The following NEK7 variants were observed in gnomAD, a reference collection of about 807,000 sequenced individuals.
NEK7 encodes NIMA related kinase 7.
Under a neutral mutation model 44.6 loss-of-function variants are expected in NEK7, and 18 were observed. The ratio of observed to expected loss-of-function variants is 0.40; its 90% CI spans 0.28 to 0.60. NEK7 has a LOEUF of 0.60. NEK7 is among the 20% of genes least tolerant of loss of function. NEK7 has a pLI of 0.38. For synonymous variants in NEK7, 130 were observed against 121.1 expected, an observed-to-expected ratio of 1.07 and a Z score of -0.48; for missense variants, 256 against 366.5, an observed-to-expected ratio of 0.70 and a Z score of 2.46.
chr1:198,231,299 GTGTATATATATATATATATATATATA>G (rs1666386627), intron 1 of NEK7, among the ~76,000 whole-genome samples: 1 of 98,270 alleles, frequency 1.0e-5, no homozygotes, highest in African/African-American at 4.3e-5. Flanking sequence ...GTATGTGTGT[GTGTATATATATATATATATATATATA>G]TATATATATA....
rs116035201 is a variant in NEK7, at chr1:198,240,402, C to T, written c.57+7765C>T. The stretch of plus-strand genomic sequence containing the variant: ...TTCTATTTGAACAGTCTGTTCAGAG[C>T]GATGGGGCAAAGATGAGGATGAGGC... On this transcript the variant is annotated intron_variant, in intron 2 of 9. Transcript: ENST00000367385. Among the ~76,000 whole-genome samples the T allele has an allele frequency of 2.7e-3, 405 of 151,278 alleles. 2 individuals are homozygous for T. The highest frequency in any genetic ancestry group is 8.4e-3 in the African/African-American group (345 of 41,148).
intron 1 of NEK7, among the ~76,000 whole-genome samples, chr1:198,212,358 G>A (rs1665798183): frequency 6.6e-6 from 1 of 152,218 alleles, no homozygotes; most frequent in Non-Finnish European, 1.5e-5. Flanking sequence ...AGCACAGGCT[G>A]CCTGGAATTC....
At chr1:198,312,418 T>A (rs889569457) in intron 9 of NEK7, among the ~76,000 whole-genome samples, 2 of 151,822 alleles carry the variant, frequency 1.3e-5, no homozygotes, top group East Asian at 1.9e-4. Context: ...TTTTGAAGGG[T>A]TTTTTGCGTC....
At chr1:198,158,376 C>T (rs1663982810) in intron 1 of NEK7, among the ~76,000 whole-genome samples, 1 of 152,200 alleles carries the variant, frequency 6.6e-6, no homozygotes, top group African/African-American at 2.4e-5. Context: ...ATGTACCCAT[C>T]ATAATGGGAA....
intron 1 of NEK7, among the ~76,000 whole-genome samples, chr1:198,217,258 T>C (rs1665948410): frequency 6.6e-6 from 1 of 151,968 alleles, no homozygotes; most frequent in Admixed American, 6.6e-5. Context: ...AAATTCACCA[T>C]GATCAAGTGG....
intron 7 of NEK7, among the ~76,000 whole-genome samples, chr1:198,286,419 A>G (rs1436591588): frequency 7.0e-6 from 1 of 141,912 alleles, no homozygotes; most frequent in African/African-American, 2.6e-5. Flanking sequence ...TTTAGAGGTC[A>G]CACTTTTTTT....
At chr1:198,158,161 C>T (rs142012787) in intron 1 of NEK7, among the ~76,000 whole-genome samples, 54 of 152,282 alleles carry the variant, frequency 3.5e-4, no homozygotes, top group Non-Finnish European at 6.5e-4. Context: ...GTATCGTGTT[C>T]TCACCTTGCT....
chr1:198,237,419 C>T (rs569637828), intron 2 of NEK7, among the ~76,000 whole-genome samples: 1 of 152,188 alleles, frequency 6.6e-6, no homozygotes, highest in South Asian at 2.1e-4. Context: ...CTAAATATTT[C>T]CCTCCAGACT....
intron 5 of NEK7, among the ~76,000 whole-genome samples, chr1:198,277,254 G>GA (rs1002125061): frequency 6.6e-6 from 1 of 151,654 alleles, no homozygotes; most frequent in African/African-American, 2.4e-5. Flanking sequence ...ATTTATTGTA[G>GA]AAAAAATGAG....
intron 1 of NEK7, among the ~76,000 whole-genome samples, chr1:198,166,867 A>C (rs1238335592): frequency 6.6e-6 from 1 of 152,270 alleles, no homozygotes; most frequent in Admixed American, 6.5e-5. Context: ...TGACACTAAC[A>C]GACTAACTTC....
chr1:198,283,469 G>GT (rs909242322), intron 7 of NEK7, among the ~76,000 whole-genome samples: 12 of 151,652 alleles, frequency 7.9e-5, no homozygotes, highest in African/African-American at 1.9e-4. Flanking sequence ...CGGTTGTTTG[G>GT]TTTTTTTTGG....
intron 5 of NEK7, among the ~76,000 whole-genome samples, chr1:198,268,646 C>T (rs1653735621): frequency 6.6e-6 from 1 of 152,102 alleles, no homozygotes; most frequent in African/African-American, 2.4e-5. Context: ...TCAATCACAT[C>T]TTTCTAGGTT....
intron 9 of NEK7, among the ~76,000 whole-genome samples, chr1:198,313,260 AC>A (rs1163267045): frequency 6.6e-6 from 1 of 151,654 alleles, no homozygotes; most frequent in African/African-American, 2.4e-5. Context: ...TAGGATTGCC[AC>A]CCCTCCCTTT....
intron 1 of NEK7, among the ~76,000 whole-genome samples, chr1:198,217,236 C>T (rs1377259377): frequency 6.6e-6 from 1 of 151,894 alleles, no homozygotes; most frequent in Non-Finnish European, 1.5e-5. Flanking sequence ...AACAGCACGT[C>T]AAAAGAAATA....
intron 1 of NEK7, among the ~76,000 whole-genome samples, chr1:198,196,897 C>T (rs775161953): frequency 6.6e-6 from 1 of 152,140 alleles, no homozygotes; most frequent in Non-Finnish European, 1.5e-5. Flanking sequence ...GAGTCTGCCA[C>T]AGTGACCATG....
At chr1:198,194,652 C>T (rs1158305963) in intron 1 of NEK7, among the ~76,000 whole-genome samples, 1 of 152,114 alleles carries the variant, frequency 6.6e-6, no homozygotes, top group Non-Finnish European at 1.5e-5. Flanking sequence ...TAATCTCCTT[C>T]TTTTTTATGA....
chr1:198,179,579 TA>T lies in NEK7; in HGVS notation c.-29+22304del, dbSNP rs558165107. Among the ~76,000 whole-genome samples, 370 of 152,248 alleles carry T rather than the reference TA, an allele frequency of 2.4e-3. 1 individual carries two copies. The highest frequency in any genetic ancestry group is 3.8e-3 in the Non-Finnish European group (258 of 67,990). On this transcript the variant is annotated intron_variant, in intron 1 of 9. Coordinates refer to ENST00000367385, the MANE Select transcript of NEK7 (RefSeq NM_133494.3). ...CTCCAACAGAATAGAAGTGTTCATG[TA>T]GGAAAATCAAGGGACTTTAGGACCT...
chr1:198,248,909 CTTTAAG>C (rs2102911518), intron 2 of NEK7, among the ~76,000 whole-genome samples: 1 of 151,740 alleles, frequency 6.6e-6, no homozygotes, highest in East Asian at 1.9e-4. Flanking sequence ...TACTATTATA[CTTTAAG>C]TTTTAGGGTA....
intron 5 of NEK7, among the ~76,000 whole-genome samples, chr1:198,272,852 A>G (rs989895180): frequency 4.6e-5 from 7 of 151,752 alleles, no homozygotes; most frequent in African/African-American, 1.2e-4. Flanking sequence ...ATATTGATGT[A>G]CCAGTTTTCA....
Sources: allele counts gnomAD v4.1 joint callset (sites outside exome capture counted in the v4.1 genomes callset), GRCh38; gene constraint gnomAD v4.1.1; transcripts MANE v1.5; gene names NCBI Gene and HGNC (gene_info 2026-07-23, HGNC 2026-07-21).